Variants in ZNF570 observed in about 807,000 individuals in gnomAD.
The protein encoded by ZNF570 is zinc finger protein 570.
In ZNF570, 8 loss-of-function variants were observed where a neutral mutation model predicts 14.2. The observed-to-expected ratio is 0.56, with a 90% CI of 0.33 to 1.02. The LOEUF (loss-of-function observed/expected upper bound fraction) is 1.02, where lower values mean the gene tolerates loss of function less well. Among genes scored for constraint, ZNF570 ranks in the 50% least tolerant of loss-of-function variants. The pLI is 0.03. For synonymous variants in ZNF570, 202 were observed against 207.6 expected, an observed-to-expected ratio of 0.97 and a Z score of 0.23; for missense variants, 559 against 624.9, an observed-to-expected ratio of 0.89 and a Z score of 1.12.
In ZNF570 at chr19:37,484,033, G is replaced by A. The variant is rs958810809; in HGVS notation, c.411G>A (p.Arg137=). Reference sequence around the variant, plus strand: ...GGAAATGTGAGGGCTATTTTGAAAGGCAACCAGGTAATCAGAAGGCGTGTT... The same window carrying A: ...GGAAATGTGAGGGCTATTTTGAAAGACAACCAGGTAATCAGAAGGCGTGTT... ...EEWKCEGYFE[R]QPGNQKACFK... The change falls in exon 5 of 5, where the codon AGG becomes AGA. Residue 137 remains arginine, a synonymous_variant. Transcript: ENST00000330173. 2.5e-6 allele frequency: 4 copies of A among 1,614,024 alleles called. No homozygotes were observed. The highest frequency in any genetic ancestry group is 1.1e-5 in the South Asian group (1 of 91,072).
rs983273771 is a variant in ZNF570, at chr19:37,486,679, C to G, written c.*1446C>G. On this transcript the variant is annotated 3_prime_UTR_variant, in exon 5 of 5. Coordinates refer to ENST00000330173, the MANE Select transcript of ZNF570 (RefSeq NM_144694.5). ...AAAATGTTAGAACATAAATGGCAGT[C>G]TTTGTACTGTAGCTTAGTAGTTGTT... 6.6e-6 allele frequency: 1 copy of G among 152,158 alleles called. No individual in the cohort carries two copies. Among genetic ancestry groups the G allele is most frequent in the African/African-American group, 2.4e-5 (1 of 41,442 alleles). 9.4% of individuals were successfully genotyped at this position (152,158 alleles called of 1,614,324 possible). A position where few individuals can be genotyped will look rare whatever the true frequency, so the allele number is the denominator to read the frequency against.
chr19:37,469,571 A>T lies in ZNF570; in HGVS notation c.-52+14A>T. 1 of 1,535,762 alleles carries T rather than the reference A, an allele frequency of 6.5e-7. No homozygotes were observed. The highest frequency in any genetic ancestry group is 2.4e-5 in the East Asian group (1 of 40,888). ...GTGCGAGTGGAGGTTGGTACCGTTCAGTGCGAGGCTGTCACCCCGTGTGCC... is the reference window on the plus strand; with the variant it reads ...GTGCGAGTGGAGGTTGGTACCGTTCTGTGCGAGGCTGTCACCCCGTGTGCC... On this transcript the variant is annotated intron_variant, in intron 1 of 4. Coordinates refer to ENST00000330173, the MANE Select transcript of ZNF570 (RefSeq NM_144694.5).
intron 4 of ZNF570, among the ~76,000 whole-genome samples, chr19:37,481,216 C>T (rs1295899171): frequency 6.6e-6 from 1 of 151,114 alleles, no homozygotes; most frequent in African/African-American, 2.4e-5. Flanking sequence ...TGCAGTGGTG[C>T]AATCTCGGCT....
intron 4 of ZNF570, among the ~76,000 whole-genome samples, chr19:37,483,033 G>A (rs1191684073): frequency 7.9e-5 from 12 of 152,026 alleles, no homozygotes; most frequent in African/African-American, 2.2e-4. Context: ...TTACAGCAAC[G>A]TGAAAATGTT....
rs1310953625 is a variant in ZNF570, at chr19:37,485,067, G to A, written c.1445G>A (p.Cys482Tyr). ...CTVCGKAFSY[C>Y]GSLAQHQRIH... ...GTTTGTGGAAAGGCTTTTAGTTACT[G>A]TGGATCCCTTGCCCAACATCAGAGA... The change falls in exon 5 of 5, where the codon TGT becomes TAT. Residue 482 changes from cysteine (C) to tyrosine (Y), a missense_variant. Transcript: ENST00000330173. The A allele has an allele frequency of 1.2e-6, 2 of 1,613,772 alleles. No individual in the cohort carries two copies. The highest frequency in any genetic ancestry group is 2.7e-5 in the African/African-American group (2 of 74,830).
chr19:37,484,319 C>A lies in ZNF570; in HGVS notation c.697C>A (p.Leu233Ile). 2 of 1,613,960 alleles carry A rather than the reference C, an allele frequency of 1.2e-6. No homozygotes were observed. The highest frequency in any genetic ancestry group is 2.2e-5 in the South Asian group (2 of 91,022). Residue 233 changes from leucine to isoleucine, a missense_variant, in exon 5 of 5, where the codon CTT (leucine) becomes ATT (isoleucine). Coordinates refer to ENST00000330173, the MANE Select transcript of ZNF570 (RefSeq NM_144694.5). ...AAAAGTCTTCAGCCAGAGTTCATCC[C>A]TTACTCTTCATCAAAGAATTCATAC... is the stretch of plus-strand genomic sequence containing the variant. ...CEKVFSQSSS[L>I]TLHQRIHTGE...
In ZNF570 at chr19:37,476,021, C is replaced by A; in HGVS notation, c.160+14C>A. ...TGGTATCACTGGGTAAGGATATCTT[C>A]TTGCAAAACTGAGCTTCTGCTCAAA... On this transcript the variant is annotated intron_variant, in intron 3 of 4. Transcript: ENST00000330173. The A allele has an allele frequency of 6.3e-7, 1 of 1,586,002 alleles. No homozygotes were observed. Among genetic ancestry groups the A allele is most frequent in the African/African-American group, 1.4e-5 (1 of 73,702 alleles).
In ZNF570 at chr19:37,469,535, G is replaced by A; in HGVS notation, c.-74G>A. The A allele has an allele frequency of 3.9e-6, 6 of 1,536,404 alleles. No individual in the cohort carries two copies. Among genetic ancestry groups the A allele is most frequent in the Non-Finnish European group, 5.2e-6 (6 of 1,146,870 alleles). ...TCCGGAAGCTCGTCGCAGGCCATCTGTGTGACTCCGGTGCGAGTGGAGGTT... is the reference window on the plus strand; with the variant it reads ...TCCGGAAGCTCGTCGCAGGCCATCTATGTGACTCCGGTGCGAGTGGAGGTT... On this transcript the variant is annotated 5_prime_UTR_variant, in exon 1 of 5. The change creates a new upstream start codon in the 5' untranslated region. Coordinates refer to ENST00000330173, the MANE Select transcript of ZNF570 (RefSeq NM_144694.5).
chr19:37,475,782 T>C, intron 2 of ZNF570, 99 bp from the exon 3 acceptor site: 2 of 1,166,122 alleles, frequency 1.7e-6, no homozygotes, highest in Non-Finnish European at 2.4e-6. Flanking sequence ...TGGTTACATA[T>C]TTGAGGATGT....
At chr19:37,477,125 T>C (rs995558670) in intron 4 of ZNF570, among the ~76,000 whole-genome samples, 2 of 151,720 alleles carry the variant, frequency 1.3e-5, no homozygotes, top group Non-Finnish European at 2.9e-5. Flanking sequence ...AGAGCTGAGG[T>C]AGAGGACACC....
In ZNF570 at chr19:37,484,019, G is replaced by T; in HGVS notation, c.397G>T (p.Gly133Cys). ...TTTGAGAGAAGAGTGGAAATGTGAG[G>T]GCTATTTTGAAAGGCAACCAGGTAA... ...SSLREEWKCE[G>C]YFERQPGNQK... Residue 133 changes from glycine (G) to cysteine (C), a missense_variant, in exon 5 of 5, where the codon GGC (glycine) becomes TGC (cysteine). Gly to Cys is a radical substitution (Grantham distance 159). Transcript: ENST00000330173. The T allele has an allele frequency of 6.2e-7, 1 of 1,613,994 alleles. No individual in the cohort carries two copies.
At chr19:37,482,407 C>T (rs550612270) in intron 4 of ZNF570, among the ~76,000 whole-genome samples, 1 of 152,310 alleles carries the variant, frequency 6.6e-6, no homozygotes, top group Non-Finnish European at 1.5e-5. Context: ...AGAGCAGGCA[C>T]ATCTCTTGGC....
At chr19:37,482,965 C>A (rs142960285) in intron 4 of ZNF570, among the ~76,000 whole-genome samples, 130 of 151,842 alleles carry the variant, frequency 8.6e-4, no homozygotes, top group Middle Eastern at 3.4e-3. Flanking sequence ...TTTCCCGAGG[C>A]CTTCTCAGCC....
At chr19:37,483,075 A>G (rs1050180054) in intron 4 of ZNF570, among the ~76,000 whole-genome samples, 1 of 152,130 alleles carries the variant, frequency 6.6e-6, no homozygotes, top group Non-Finnish European at 1.5e-5. Flanking sequence ...AGTAGAAGCC[A>G]AATTCTTTAG....
chr19:37,481,921 A>G (rs758697446), intron 4 of ZNF570, among the ~76,000 whole-genome samples: 1 of 152,094 alleles, frequency 6.6e-6, no homozygotes, highest in Non-Finnish European at 1.5e-5. Context: ...AAGTTTTTCT[A>G]TTTCTACAAA....
upstream of ZNF570, chr19:37,469,050 T>A: frequency 1.0e-6 from 1 of 994,172 alleles, no homozygotes. Context: ...CGCAGAGCGC[T>A]TGTGCCTGCG....
In ZNF570 at chr19:37,487,284, A is replaced by G. The variant is rs1453928396; in HGVS notation, c.*2051A>G. On this transcript the variant is annotated 3_prime_UTR_variant, in exon 5 of 5. Coordinates refer to ENST00000330173, the MANE Select transcript of ZNF570 (RefSeq NM_144694.5). ...TTCGGGTAATTTAGAAGGCATGTAA[A>G]GTGTTCCATACTATAGAAAAATGTA... The G allele has an allele frequency of 2.0e-5, 3 of 151,812 alleles. No homozygotes were observed. Among genetic ancestry groups the G allele is most frequent in the Admixed American group, 6.6e-5 (1 of 15,240 alleles). 9.4% of individuals were successfully genotyped at this position (151,812 alleles called of 1,614,324 possible). A position where few individuals can be genotyped will look rare whatever the true frequency, so the allele number is the denominator to read the frequency against.
At chr19:37,481,220 C>T (rs1002493975) in intron 4 of ZNF570, among the ~76,000 whole-genome samples, 6 of 151,166 alleles carry the variant, frequency 4.0e-5, no homozygotes, top group African/African-American at 1.2e-4. Flanking sequence ...GTGGTGCAAT[C>T]TCGGCTCACC....
At chr19:37,469,257 C>T (rs1056704068), upstream of ZNF570, 77 of 1,393,456 alleles carry the variant, frequency 5.5e-5, no homozygotes, top group Middle Eastern at 2.6e-4. Context: ...CACTGCGACG[C>T]CGCGACCTTT....
Sources: gnomAD v4.1 joint callset for allele counts (sites outside exome capture counted in the v4.1 genomes callset) on GRCh38, gnomAD v4.1.1 for gene constraint, MANE v1.5 for transcripts, NCBI Gene and HGNC (gene_info 2026-07-23, HGNC 2026-07-21) for gene names.